The following EXOC4 variants were observed in gnomAD, a reference collection of about 807,000 sequenced individuals.
EXOC4 encodes the protein SEC8-like 1.
In EXOC4, 71 loss-of-function variants were observed where a neutral mutation model predicts 107.2. The ratio of observed to expected loss-of-function variants is 0.66; its 90% CI spans 0.55 to 0.81. EXOC4 has a LOEUF of 0.81. Ranked by LOEUF, EXOC4 falls within the 30% of genes least tolerant of loss-of-function variation. EXOC4 has a pLI of 0.00. For missense variants in EXOC4, 1,108 were observed against 1,189.6 expected (o/e 0.93, Z 1.01); for synonymous variants, 456 against 441.2 (o/e 1.03, Z -0.42).
chr7:133,896,659 T>C (rs945646750), intron 12 of EXOC4, among the ~76,000 whole-genome samples: 2 of 149,962 alleles, frequency 1.3e-5, no homozygotes, highest in African/African-American at 2.5e-5. Context: ...ATTTATTTTA[T>C]TTATTTATTT....
intron 10 of EXOC4, among the ~76,000 whole-genome samples, chr7:133,810,870 T>C (rs1797210561): frequency 6.6e-6 from 1 of 152,038 alleles, no homozygotes; most frequent in South Asian, 2.1e-4. Context: ...CCTGACCTCG[T>C]GATCTGCCTG....
chr7:133,537,527 G>C (rs1209188538), intron 9 of EXOC4, among the ~76,000 whole-genome samples: 1 of 152,078 alleles, frequency 6.6e-6, no homozygotes, highest in Non-Finnish European at 1.5e-5. Context: ...ACTATCTATG[G>C]ACATAGAATA....
At chr7:133,633,336 A>G (rs2151017805) in intron 10 of EXOC4, among the ~76,000 whole-genome samples, 1 of 152,130 alleles carries the variant, frequency 6.6e-6, no homozygotes, top group East Asian at 1.9e-4. Flanking sequence ...TTATCAACTG[A>G]CTCATATTAT....
rs536138319 is a variant in EXOC4, at chr7:133,710,426, C to T, written c.1514+80285C>T. Among the ~76,000 whole-genome samples, 23 of 151,756 alleles carry T rather than the reference C, an allele frequency of 1.5e-4. No homozygotes were observed. In the East Asian group the frequency reaches 3.9e-3, roughly 26 times the overall value. The stretch of plus-strand genomic sequence containing the variant: ...CTGTAATCCCAACACTTTGGGAGGC[C>T]GAGGCGGGCGGATCACGAGGTCAGG... On this transcript the variant is annotated intron_variant, in intron 10 of 17. Coordinates refer to ENST00000253861, the MANE Select transcript of EXOC4 (RefSeq NM_021807.4).
At chr7:133,313,017 A>G (rs191086800) in intron 4 of EXOC4, among the ~76,000 whole-genome samples, 77 of 152,122 alleles carry the variant, frequency 5.1e-4, no homozygotes, top group African/African-American at 1.7e-3. Flanking sequence ...TTTGGTGTCC[A>G]TATTTGTCTC....
At chr7:133,756,413 A>G (rs1330365479) in intron 10 of EXOC4, among the ~76,000 whole-genome samples, 2 of 152,206 alleles carry the variant, frequency 1.3e-5, no homozygotes, top group Non-Finnish European at 2.9e-5. Flanking sequence ...CCTGTAGAAA[A>G]GTGTTGAGCT....
chr7:133,386,267 T>G (rs903094809), intron 7 of EXOC4, among the ~76,000 whole-genome samples: 10 of 152,210 alleles, frequency 6.6e-5, no homozygotes, highest in Non-Finnish European at 1.3e-4. Flanking sequence ...CAACTGAATG[T>G]TCTGAATATT....
In EXOC4 at chr7:133,679,530, A is replaced by T. The variant is rs543514049; in HGVS notation, c.1514+49389A>T. Among the ~76,000 whole-genome samples, 244 of 147,800 alleles carry T rather than the reference A, an allele frequency of 1.7e-3. 1 individual carries two copies. Among genetic ancestry groups the T allele is most frequent in the African/African-American group, 5.6e-3 (224 of 39,830 alleles). On this transcript the variant is annotated intron_variant, in intron 10 of 17. Transcript: ENST00000253861. ...AGGAGCTCTTGCTACTGCCCCATCCATCCGTCCGTCCGTCCATCCATCCAT... is the reference window on the plus strand; with the variant it reads ...AGGAGCTCTTGCTACTGCCCCATCCTTCCGTCCGTCCGTCCATCCATCCAT...
chr7:133,737,248 C>T (rs1337319947), intron 10 of EXOC4, among the ~76,000 whole-genome samples: 4 of 152,166 alleles, frequency 2.6e-5, no homozygotes, highest in African/African-American at 9.7e-5. Context: ...TCCTTATTGA[C>T]TGTAATTGAA....
intron 16 of EXOC4, among the ~76,000 whole-genome samples, chr7:134,006,198 A>G (rs998829405): frequency 6.6e-5 from 10 of 151,486 alleles, no homozygotes; most frequent in African/African-American, 2.2e-4. Context: ...TGCATTTAAT[A>G]TATTTATTAT....
downstream of EXOC4, among the ~76,000 whole-genome samples, chr7:134,071,228 A>G (rs754629165): frequency 2.0e-5 from 3 of 152,198 alleles, no homozygotes; most frequent in Non-Finnish European, 4.4e-5. Flanking sequence ...AGGGCTTTGC[A>G]CCAGATCTGG....
At chr7:133,596,517 G>C (rs1801678384) in intron 9 of EXOC4, among the ~76,000 whole-genome samples, 1 of 152,100 alleles carries the variant, frequency 6.6e-6, no homozygotes, top group African/African-American at 2.4e-5. Flanking sequence ...TTGGAGCTTG[G>C]TAAAAGAATG....
At chr7:133,857,804 G>A (rs1368206870) in intron 11 of EXOC4, among the ~76,000 whole-genome samples, 1 of 152,102 alleles carries the variant, frequency 6.6e-6, no homozygotes, top group Non-Finnish European at 1.5e-5. Flanking sequence ...AGAGCCCCAA[G>A]GGGTGGGTGT....
chr7:133,534,485 G>A (rs1415104268), intron 9 of EXOC4, among the ~76,000 whole-genome samples: 1 of 152,122 alleles, frequency 6.6e-6, no homozygotes, highest in Non-Finnish European at 1.5e-5. Flanking sequence ...TAGTAAAGAG[G>A]ATGGAAATCA....
intron 14 of EXOC4, among the ~76,000 whole-genome samples, chr7:133,982,269 C>A (rs985698383): frequency 6.6e-6 from 1 of 152,158 alleles, no homozygotes; most frequent in African/African-American, 2.4e-5. Context: ...TAAAAAGATA[C>A]GGGCCGGGTG....
chr7:133,659,034 T>G (rs4731972), intron 10 of EXOC4, among the ~76,000 whole-genome samples: 2 of 116,264 alleles, frequency 1.7e-5, no homozygotes, highest in Non-Finnish European at 3.5e-5. Flanking sequence ...TTTTTTGTGG[T>G]TCATATAAAT....
intron 9 of EXOC4, among the ~76,000 whole-genome samples, chr7:133,495,787 G>A (rs1307587990): frequency 6.6e-6 from 1 of 152,058 alleles, no homozygotes; most frequent in Non-Finnish European, 1.5e-5. Flanking sequence ...ATGAACAGTT[G>A]TATTACAAAT....
intron 17 of EXOC4, among the ~76,000 whole-genome samples, chr7:134,059,180 A>C (rs77263539): frequency 2.8e-3 from 431 of 152,332 alleles, no homozygotes; most frequent in East Asian, 0.028. Flanking sequence ...TACAGGAACA[A>C]GAGTTGCCAT....
At chr7:133,972,895 T>A (rs2116883206) in intron 14 of EXOC4, among the ~76,000 whole-genome samples, 1 of 152,310 alleles carries the variant, frequency 6.6e-6, no homozygotes, top group Non-Finnish European at 1.5e-5. Context: ...CCAGTAGGCA[T>A]CCCCTGCTGA....
Sources: gnomAD v4.1 joint callset for allele counts (sites outside exome capture counted in the v4.1 genomes callset) on GRCh38, gnomAD v4.1.1 for gene constraint, MANE v1.5 for transcripts, NCBI Gene and HGNC (gene_info 2026-07-23, HGNC 2026-07-21) for gene names.